Variants in DCC observed in about 807,000 individuals in gnomAD.
DCC encodes netrin receptor DCC.
In DCC, 58 loss-of-function variants were observed where a neutral mutation model predicts 172.5. The ratio of observed to expected loss-of-function variants is 0.34; its 90% confidence interval spans 0.27 to 0.42. The LOEUF is 0.42. DCC is among the 10% of genes least tolerant of loss of function. The pLI is 1.00. For synonymous variants in DCC, 709 were observed against 644.5 expected (o/e 1.10, Z -1.52); for missense variants, 1,740 against 1,791.0 (o/e 0.97, Z 0.51).
intron 1 of DCC, among the ~76,000 whole-genome samples, chr18:52,669,162 T>C (rs1193898578): frequency 6.6e-6 from 1 of 152,132 alleles, no homozygotes; most frequent in Non-Finnish European, 1.5e-5. Flanking sequence ...GCTGTCCTCT[T>C]GTGCTGAGTC....
At chr18:53,095,009 G>A (rs1237548913) in intron 7 of DCC, among the ~76,000 whole-genome samples, 1 of 152,082 alleles carries the variant, frequency 6.6e-6, no homozygotes, top group Admixed American at 6.6e-5. Flanking sequence ...TACACATTTT[G>A]AGAGTGCAAT....
chr18:53,342,846 A>G (rs1403189311), intron 15 of DCC, among the ~76,000 whole-genome samples: 1 of 147,590 alleles, frequency 6.8e-6, no homozygotes, highest in Non-Finnish European at 1.5e-5. Flanking sequence ...ATATTCCTAA[A>G]TATATATACA....
Position 53,127,011 on chromosome 18 carries a change from G to A in DCC, c.1262-30345G>A, listed in dbSNP as rs534713684. 5.3e-5 allele frequency among the ~76,000 whole-genome samples: 8 copies of A among 152,140 alleles called. No homozygotes were observed. The East Asian group carries it at 1.6e-3, about 29-fold the overall frequency. On this transcript the variant is annotated intron_variant, in intron 7 of 28. Coordinates refer to ENST00000442544, the MANE Select transcript of DCC (RefSeq NM_005215.4). The stretch of plus-strand genomic sequence containing the variant: ...CGAGGCTTTCCAGGAGCCAAAGTCT[G>A]GCAATTGTAGGTGCATCTCTTTCAG...
At chr18:52,980,167 C>G (rs2041186054) in intron 5 of DCC, among the ~76,000 whole-genome samples, 5 of 152,116 alleles carry the variant, frequency 3.3e-5, no homozygotes, top group Admixed American at 2.6e-4. Context: ...TTAGGGAATT[C>G]AATGAAGGAT....
intron 5 of DCC, among the ~76,000 whole-genome samples, chr18:52,926,790 T>TAC (rs1462577994): frequency 4.8e-5 from 7 of 147,214 alleles, no homozygotes; most frequent in African/African-American, 7.4e-5. Flanking sequence ...TCTATATATA[T>TAC]ACACACACAC....
At chr18:53,505,775 A>T (rs2046166196) in intron 27 of DCC, among the ~76,000 whole-genome samples, 1 of 152,224 alleles carries the variant, frequency 6.6e-6, no homozygotes, top group Non-Finnish European at 1.5e-5. Flanking sequence ...ATTATACTGC[A>T]GAGTGGGTGG....
intron 12 of DCC, among the ~76,000 whole-genome samples, chr18:53,253,674 T>G (rs1475752129): frequency 6.6e-6 from 1 of 152,086 alleles, no homozygotes; most frequent in Non-Finnish European, 1.5e-5. Context: ...TATTTTTAAA[T>G]GGAAAACAAC....
At chr18:52,697,390 T>A (rs1287922591) in intron 1 of DCC, among the ~76,000 whole-genome samples, 2 of 152,184 alleles carry the variant, frequency 1.3e-5, no homozygotes. Context: ...ATGGGATGGG[T>A]TATCTACCTT....
rs1033269504 is a variant in DCC, at chr18:52,736,434, CTGTATATAAGTGACTT to C, written c.92-15617_92-15602del. ...TCTTTGTGCAAGAGAATGGATCTTG[CTGTATATAAGTGACTT>C]TGATAATTATCAGGTTTTTTTATGT... On this transcript the variant is annotated intron_variant, in intron 1 of 28. Coordinates refer to ENST00000442544, the MANE Select transcript of DCC (RefSeq NM_005215.4). Among the ~76,000 whole-genome samples, 4 of 152,020 alleles carry C rather than the reference CTGTATATAAGTGACTT, an allele frequency of 2.6e-5. No individual in the cohort carries two copies. The East Asian group carries it at 7.7e-4, about 29-fold the overall frequency.
chr18:53,082,929 A>C (rs1165904734), intron 7 of DCC, among the ~76,000 whole-genome samples: 1 of 151,882 alleles, frequency 6.6e-6, no homozygotes, highest in East Asian at 1.9e-4. Context: ...CTGAAATTCT[A>C]CATCTCACTG....
intron 1 of DCC, among the ~76,000 whole-genome samples, chr18:52,709,506 G>A (rs373384068): frequency 6.6e-6 from 1 of 152,166 alleles, no homozygotes; most frequent in African/African-American, 2.4e-5. Flanking sequence ...AGTCAGCAGT[G>A]ACATCTCCCA....
chr18:53,368,250 CTA>C (rs1382311332), intron 15 of DCC, among the ~76,000 whole-genome samples: 1 of 152,060 alleles, frequency 6.6e-6, no homozygotes. Flanking sequence ...GGAGAAGTGT[CTA>C]TTCATGTCCT....
intron 25 of DCC, among the ~76,000 whole-genome samples, chr18:53,484,938 A>C (rs2045883938): frequency 6.6e-6 from 1 of 152,062 alleles, no homozygotes; most frequent in Non-Finnish European, 1.5e-5. Context: ...ATACATATAT[A>C]AGCTCAAATA....
rs571445064 is a variant in DCC, at chr18:52,499,223, T to C, written c.91+158345T>C. Among the ~76,000 whole-genome samples, 53 of 152,314 alleles carry C rather than the reference T, an allele frequency of 3.5e-4. No individual in the cohort carries two copies. In the South Asian group the frequency reaches 4.1e-3, roughly 12 times the overall value. ...TGACTGCGTTGAGCTTAGAAGTTAA[T>C]GATTGACTGATAGCAATGACGCAGC... On this transcript the variant is annotated intron_variant, in intron 1 of 28. Transcript: ENST00000442544.
chr18:53,005,167 T>C (rs895534290), intron 5 of DCC, among the ~76,000 whole-genome samples: 4 of 152,178 alleles, frequency 2.6e-5, no homozygotes, highest in African/African-American at 4.8e-5. Context: ...ACCTCTGTTT[T>C]GCATAACTTA....
chr18:53,150,023 G>A (rs1281760155), intron 7 of DCC, among the ~76,000 whole-genome samples: 3 of 152,148 alleles, frequency 2.0e-5, no homozygotes, highest in Non-Finnish European at 2.9e-5. Context: ...AGGAAGCATC[G>A]TTATGTGAAC....
intron 8 of DCC, among the ~76,000 whole-genome samples, chr18:53,162,570 C>G (rs745684153): frequency 1.3e-5 from 2 of 152,168 alleles, no homozygotes; most frequent in Non-Finnish European, 2.9e-5. Context: ...AACCTCATCA[C>G]GTAGCACTTT....
At chr18:52,610,228 A>T (rs1386897179) in intron 1 of DCC, among the ~76,000 whole-genome samples, 13 of 78,190 alleles carry the variant, frequency 1.7e-4, no homozygotes, top group Middle Eastern at 7.7e-3. Flanking sequence ...TATATATATA[A>T]AATTAGCCAG....
At chr18:52,562,657 T>C (rs1598915270) in intron 1 of DCC, among the ~76,000 whole-genome samples, 1 of 152,146 alleles carries the variant, frequency 6.6e-6, no homozygotes, top group South Asian at 2.1e-4. Context: ...CTATGATTTA[T>C]ATACGAGTAT....
Sources: allele counts gnomAD v4.1 joint callset (sites outside exome capture counted in the v4.1 genomes callset), GRCh38; gene constraint gnomAD v4.1.1; transcripts MANE v1.5; gene names NCBI Gene and HGNC (gene_info 2026-07-23, HGNC 2026-07-21).